Variants in CAMK2D observed in about 807,000 individuals in gnomAD.
The protein encoded by CAMK2D is calcium/calmodulin-dependent protein kinase type II subunit delta.
In CAMK2D, 37 loss-of-function variants were observed where a neutral mutation model predicts 84.0. The observed-to-expected ratio is 0.44, with a 90% confidence interval of 0.34 to 0.58. The LOEUF (loss-of-function observed/expected upper bound fraction) is 0.58. CAMK2D is among the 20% of genes least tolerant of loss of function. The probability of loss-of-function intolerance (pLI) is 0.02; values close to 1 mark genes in which losing one functional copy is unlikely to be tolerated. For missense variants in CAMK2D, 448 were observed against 652.5 expected, an observed-to-expected ratio of 0.69 and a Z score of 3.41; for synonymous variants, 202 against 212.5, an observed-to-expected ratio of 0.95 and a Z score of 0.43.
In CAMK2D at chr4:113,454,225, T is replaced by G; in HGVS notation, c.*320A>C. 1 of 269,640 alleles carries G rather than the reference T, an allele frequency of 3.7e-6. No homozygotes were observed. The highest frequency in any genetic ancestry group is 5.3e-5 in the Admixed American group (1 of 18,826). The allele number at this position is 269,640 out of a possible 1,614,324, so 16.7% of individuals were successfully genotyped here. ...AAATCTTGGCATTAACAGAGAAACT[T>G]GATGAAGAGTTGTACTTGGAATATT... On this transcript the variant is annotated 3_prime_UTR_variant, in exon 21 of 21. Coordinates refer to ENST00000511664, the MANE Select transcript of CAMK2D (RefSeq NM_001321571.2).
intron 3 of CAMK2D, among the ~76,000 whole-genome samples, chr4:113,627,061 C>G (rs1022782006): frequency 6.6e-6 from 1 of 152,044 alleles, no homozygotes; most frequent in Admixed American, 6.6e-5. Context: ...ATGAATAAAG[C>G]AGCAAATTAT....
At chr4:113,512,334 G>A (rs80352358) in intron 12 of CAMK2D, among the ~76,000 whole-genome samples, 2,441 of 152,228 alleles carry the variant, frequency 0.016, 55 homozygotes, top group African/African-American at 0.053. Context: ...AGAGAGTGAC[G>A]CTTACAATAA....
In CAMK2D at chr4:113,753,345, G is replaced by C. The variant is rs573665379; in HGVS notation, c.160+5975C>G. Among the ~76,000 whole-genome samples, 8 of 151,934 alleles carry C rather than the reference G, an allele frequency of 5.3e-5. 1 individual carries two copies. The highest frequency in any genetic ancestry group is 1.7e-4 in the African/African-American group (7 of 41,492). On this transcript the variant is annotated intron_variant, in intron 2 of 20. Transcript: ENST00000511664. ...ATTGATTTTGGTAGTAATAAACATA[G>C]TTCTAAGGAGTTAAAATGAGACTGT...
intron 3 of CAMK2D, among the ~76,000 whole-genome samples, chr4:113,628,009 C>T (rs1352294067): frequency 6.6e-6 from 1 of 152,160 alleles, no homozygotes; most frequent in Non-Finnish European, 1.5e-5. Context: ...TGGCTCTTAG[C>T]CCTTTAATTA....
chr4:113,743,571 C>T (rs528697646), intron 2 of CAMK2D, among the ~76,000 whole-genome samples: 24 of 152,306 alleles, frequency 1.6e-4, no homozygotes, highest in Non-Finnish European at 2.8e-4. Flanking sequence ...CAAAACCTTT[C>T]GGTATGTGCT....
chr4:113,635,602 T>A (rs1433070989), intron 3 of CAMK2D, among the ~76,000 whole-genome samples: 1 of 152,220 alleles, frequency 6.6e-6, no homozygotes, highest in Non-Finnish European at 1.5e-5. Flanking sequence ...AACTAGTCCC[T>A]GGCCTTCACA....
intron 2 of CAMK2D, among the ~76,000 whole-genome samples, chr4:113,723,454 C>T (rs78970116): frequency 0.11 from 15,976 of 152,068 alleles, 1,376 homozygotes; most frequent in African/African-American, 0.24. Flanking sequence ...GAACTCATGG[C>T]CTCAAGTGAT....
At chr4:113,478,860 T>A (rs1481149581) in intron 16 of CAMK2D, among the ~76,000 whole-genome samples, 1 of 152,144 alleles carries the variant, frequency 6.6e-6, no homozygotes, top group Non-Finnish European at 1.5e-5. Context: ...GTAAAAAAAA[T>A]GACATTTGGA....
intron 3 of CAMK2D, among the ~76,000 whole-genome samples, chr4:113,654,683 C>A (rs1179907294): frequency 6.6e-6 from 1 of 151,948 alleles, no homozygotes; most frequent in South Asian, 2.1e-4. Context: ...CAGAAGCAAT[C>A]AACAATTTAG....
chr4:113,745,605 C>T (rs572362247), intron 2 of CAMK2D, among the ~76,000 whole-genome samples: 2 of 152,266 alleles, frequency 1.3e-5, no homozygotes, highest in African/African-American at 4.8e-5. Context: ...ATGTTAACCT[C>T]GCTTTCTTTC....
intron 4 of CAMK2D, among the ~76,000 whole-genome samples, chr4:113,579,905 C>T (rs2098800414): frequency 6.6e-6 from 1 of 152,162 alleles, no homozygotes; most frequent in Non-Finnish European, 1.5e-5. Context: ...TTTCCAAATA[C>T]AGGTTTCCCA....
At chr4:113,633,703 A>G (rs1018934) in intron 3 of CAMK2D, among the ~76,000 whole-genome samples, 91,111 of 152,010 alleles carry the variant, frequency 0.6, 29,220 homozygotes, top group East Asian at 0.81. Flanking sequence ...CAAGCAGGAT[A>G]CCTGGCATGC....
chr4:113,636,343 G>A (rs750898180), intron 3 of CAMK2D, among the ~76,000 whole-genome samples: 2 of 152,124 alleles, frequency 1.3e-5, no homozygotes, highest in Non-Finnish European at 2.9e-5. Flanking sequence ...CTCAATTCAA[G>A]CCACCGATTA....
At chr4:113,460,839 C>T (rs1442443119) in intron 17 of CAMK2D, among the ~76,000 whole-genome samples, 6 of 151,912 alleles carry the variant, frequency 3.9e-5, no homozygotes, top group Admixed American at 1.3e-4. Flanking sequence ...GCGTACAGTA[C>T]CATGCTGGGT....
chr4:113,454,600 C>A, intron 20 of CAMK2D, 85 bp from the exon 21 acceptor site: 1 of 750,904 alleles, frequency 1.3e-6, no homozygotes. Context: ...TTTGACTAGG[C>A]TACAGTTTTA....
intron 4 of CAMK2D, among the ~76,000 whole-genome samples, chr4:113,560,076 T>C (rs1693289562): frequency 6.6e-6 from 1 of 152,164 alleles, no homozygotes; most frequent in South Asian, 2.1e-4. Context: ...GAGGAGATAC[T>C]GTTACTGTTG....
chr4:113,478,627 G>A lies in CAMK2D; in HGVS notation c.1136-13023C>T, dbSNP rs148951019. 4.8e-3 allele frequency among the ~76,000 whole-genome samples: 729 copies of A among 152,060 alleles called. 1 individual carries two copies. Among genetic ancestry groups the A allele is most frequent in the Middle Eastern group, 0.01 (3 of 294 alleles). On this transcript the variant is annotated intron_variant, in intron 16 of 20. Coordinates refer to ENST00000511664, the MANE Select transcript of CAMK2D (RefSeq NM_001321571.2). Reference sequence around the variant, plus strand: ...AGTAAGTTATTTTTTCTGTCATTACGGACCATTAACCTTTCCAGAGGTATT... The same window carrying A: ...AGTAAGTTATTTTTTCTGTCATTACAGACCATTAACCTTTCCAGAGGTATT...
chr4:113,653,244 C>T (rs1242904323), intron 3 of CAMK2D, among the ~76,000 whole-genome samples: 2 of 151,942 alleles, frequency 1.3e-5, no homozygotes, highest in Non-Finnish European at 1.5e-5. Flanking sequence ...AAATATATCG[C>T]TGTGCTAGTT....
intron 2 of CAMK2D, chr4:113,753,920 C>T (rs959231121): frequency 3.4e-5 from 33 of 983,856 alleles, no homozygotes; most frequent in South Asian, 1.4e-4. Flanking sequence ...TTTAAGAGCC[C>T]ATAGTACTTT....
Sources: gnomAD v4.1 joint callset for allele counts (sites outside exome capture counted in the v4.1 genomes callset) on GRCh38, gnomAD v4.1.1 for gene constraint, MANE v1.5 for transcripts, NCBI Gene and HGNC (gene_info 2026-07-23, HGNC 2026-07-21) for gene names.